CECR2: variants seen among roughly 807,000 people sequenced by gnomAD.
CECR2 encodes the protein CECR2 histone acetyl-lysine reader.
In CECR2, 30 loss-of-function variants were observed where a neutral mutation model predicts 154.5. The ratio of observed to expected loss-of-function variants is 0.19; its 90% CI spans 0.15 to 0.26. The LOEUF (loss-of-function observed/expected upper bound fraction) is 0.26. Among genes scored for constraint, CECR2 ranks in the 10% least tolerant of loss-of-function variants. The pLI, the probability that CECR2 is intolerant of heterozygous loss-of-function variation, is 1.00. For synonymous variants in CECR2, 725 were observed against 683.7 expected (o/e 1.06, Z -0.94); for missense variants, 1,743 against 1,829.3 (o/e 0.95, Z 0.86).
intron 1 of CECR2, among the ~76,000 whole-genome samples, chr22:17,381,411 C>G (rs1414469388): frequency 6.6e-6 from 1 of 152,132 alleles, no homozygotes; most frequent in Admixed American, 6.5e-5. Flanking sequence ...TGCGTGTCAT[C>G]TTGCATAGGC....
intron 10 of CECR2, among the ~76,000 whole-genome samples, chr22:17,538,208 A>T (rs1406341108): frequency 6.6e-6 from 1 of 152,242 alleles, no homozygotes. Context: ...ACAGAGCAAG[A>T]TCCTGTCTCA....
intron 1 of CECR2, among the ~76,000 whole-genome samples, chr22:17,465,410 A>G (rs923525591): frequency 2.0e-5 from 3 of 151,782 alleles, no homozygotes; most frequent in Non-Finnish European, 2.9e-5. Context: ...GCTTGCTGCA[A>G]TCTCCACCTC....
At chr22:17,383,679 T>G (rs867579564) in intron 1 of CECR2, among the ~76,000 whole-genome samples, 15 of 147,706 alleles carry the variant, frequency 1.0e-4, no homozygotes, top group African/African-American at 3.5e-4. Flanking sequence ...TTTTTTTTTT[T>G]GAAGTGGAGT....
intron 1 of CECR2, among the ~76,000 whole-genome samples, chr22:17,386,258 A>T (rs1455610535): frequency 6.6e-6 from 1 of 152,136 alleles, no homozygotes; most frequent in East Asian, 1.9e-4. Context: ...CTGACCGGAG[A>T]GGGAGAGGCT....
In CECR2 at chr22:17,482,542, T is replaced by C. The variant is rs117582877; in HGVS notation, c.221+4860T>C. 5.0e-3 allele frequency among the ~76,000 whole-genome samples: 766 copies of C among 152,254 alleles called. 19 individuals carry two copies. The East Asian group carries it at 0.088, about 17-fold the overall frequency. The stretch of plus-strand genomic sequence containing the variant: ...AGAGTGTATTCCTTCTAGTTTTGTT[T>C]AGTTTTTTTGACACGGGGTCTCACT... On this transcript the variant is annotated intron_variant, in intron 2 of 18. Coordinates refer to ENST00000262608, the MANE Select transcript of CECR2 (RefSeq NM_001290047.2).
intron 1 of CECR2, among the ~76,000 whole-genome samples, chr22:17,373,694 G>A (rs1181139827): frequency 6.6e-6 from 1 of 152,158 alleles, no homozygotes; most frequent in African/African-American, 2.4e-5. Context: ...TTCAGTAGTT[G>A]ATATAAACAG....
intron 1 of CECR2, among the ~76,000 whole-genome samples, chr22:17,433,867 A>G (rs1261969549): frequency 1.3e-5 from 2 of 152,126 alleles, no homozygotes; most frequent in African/African-American, 2.4e-5. Flanking sequence ...AGCTATTATG[A>G]TGGTTTTTGC....
intron 10 of CECR2, among the ~76,000 whole-genome samples, chr22:17,538,114 A>C (rs1283854250): frequency 6.6e-6 from 1 of 152,194 alleles, no homozygotes; most frequent in Non-Finnish European, 1.5e-5. Flanking sequence ...ACTATTCAGG[A>C]GGCTAAGGTG....
intron 14 of CECR2, among the ~76,000 whole-genome samples, chr22:17,541,228 G>A (rs1197987744): frequency 6.6e-6 from 1 of 152,190 alleles, no homozygotes; most frequent in Non-Finnish European, 1.5e-5. Context: ...AGGCTGAGGT[G>A]GGCGATCACG....
At chr22:17,428,798 T>TGTGTGTGTGTG (rs2054371930) in intron 1 of CECR2, among the ~76,000 whole-genome samples, 4 of 136,336 alleles carry the variant, frequency 2.9e-5, no homozygotes, top group East Asian at 2.1e-4. Context: ...ATGTTTTTAT[T>TGTGTGTGTGTG]TGTGTGTGTG....
At chr22:17,487,252 T>C (rs1282643903) in intron 2 of CECR2, among the ~76,000 whole-genome samples, 1 of 152,180 alleles carries the variant, frequency 6.6e-6, no homozygotes. Flanking sequence ...ATTTAACTAG[T>C]GGCTCTTTCA....
At chr22:17,490,315 G>A (rs1438728681) in intron 2 of CECR2, among the ~76,000 whole-genome samples, 2 of 152,094 alleles carry the variant, frequency 1.3e-5, no homozygotes, top group South Asian at 4.2e-4. Flanking sequence ...CTGGGAAGTT[G>A]TTCCATTTCT....
intron 1 of CECR2, among the ~76,000 whole-genome samples, chr22:17,437,107 G>A (rs1380979848): frequency 6.6e-6 from 1 of 152,064 alleles, no homozygotes; most frequent in African/African-American, 2.4e-5. Flanking sequence ...GATGCTGTTG[G>A]GTTGTCTGGT....
chr22:17,467,856 A>G (rs1364474486), intron 1 of CECR2, among the ~76,000 whole-genome samples: 2 of 152,186 alleles, frequency 1.3e-5, no homozygotes, highest in African/African-American at 2.4e-5. Context: ...TTTCTCTTCT[A>G]CACTACCCCA....
intron 7 of CECR2, 107 bp from the exon 8 acceptor site, chr22:17,511,706 G>A: frequency 2.4e-6 from 2 of 837,256 alleles, no homozygotes; most frequent in Non-Finnish European, 3.9e-6. Flanking sequence ...CCTAACCTGT[G>A]TGCCTCATTG....
chr22:17,460,300 C>G (rs1202253468), intron 1 of CECR2, among the ~76,000 whole-genome samples: 1 of 152,176 alleles, frequency 6.6e-6, no homozygotes. Flanking sequence ...ACCTCTGTCT[C>G]CTGGGTTCAA....
intron 1 of CECR2, among the ~76,000 whole-genome samples, chr22:17,433,624 T>C (rs1309041533): frequency 6.6e-6 from 1 of 152,142 alleles, no homozygotes; most frequent in Non-Finnish European, 1.5e-5. Flanking sequence ...TTTTGTGTTC[T>C]TTGTAGAGAC....
intron 8 of CECR2, among the ~76,000 whole-genome samples, chr22:17,520,650 C>T (rs772954616): frequency 4.6e-5 from 7 of 152,088 alleles, no homozygotes; most frequent in Non-Finnish European, 8.8e-5. Context: ...GTTCAGTTCC[C>T]ACCTATGAGT....
At chr22:17,403,981 C>T (rs1340522709) in intron 1 of CECR2, among the ~76,000 whole-genome samples, 3 of 149,710 alleles carry the variant, frequency 2.0e-5, no homozygotes, top group East Asian at 1.9e-4. Context: ...CCACCCTGGC[C>T]GGGCACAGTG....
Sources: gnomAD v4.1 joint callset for allele counts (sites outside exome capture counted in the v4.1 genomes callset) on GRCh38, gnomAD v4.1.1 for gene constraint, MANE v1.5 for transcripts, NCBI Gene and HGNC (gene_info 2026-07-23, HGNC 2026-07-21) for gene names.